Variants in KCNN2 observed in about 807,000 individuals in gnomAD.
The protein encoded by KCNN2 is potassium calcium-activated channel subfamily N member 2, also known as small conductance calcium-activated potassium channel protein 2.
A neutral mutation model predicts 55.5 loss-of-function variants in KCNN2; 24 were observed. The observed-to-expected ratio is 0.43, with a 90% CI of 0.31 to 0.61. The LOEUF is 0.61. KCNN2 is among the 20% of genes least tolerant of loss of function. The pLI is 0.08. For missense variants in KCNN2, 754 were observed against 853.6 expected, an observed-to-expected ratio of 0.88 and a Z score of 1.45; for synonymous variants, 431 against 336.1, an observed-to-expected ratio of 1.28 and a Z score of -3.09.
intron 3 of KCNN2, among the ~76,000 whole-genome samples, chr5:114,454,816 C>T (rs1192839551): frequency 6.6e-6 from 1 of 152,214 alleles, no homozygotes; most frequent in Non-Finnish European, 1.5e-5. Flanking sequence ...TAGCTTTGGA[C>T]TTTATCCACA....
rs899672629 is a variant in KCNN2, at chr5:114,119,506, C to T, written c.-271+63006C>T. 3.3e-5 allele frequency among the ~76,000 whole-genome samples: 5 copies of T among 152,216 alleles called. No individual in the cohort carries two copies. The East Asian group carries it at 7.7e-4, about 24-fold the overall frequency. On this transcript the variant is annotated intron_variant, in intron 1 of 10. Coordinates refer to the KCNN2 transcript ENST00000512097. Reference sequence around the variant, plus strand: ...TCTAGCCAGTGTTATTTTTAACCACCGTTATTTGGCACATCATCTAATAGA... The same window carrying T: ...TCTAGCCAGTGTTATTTTTAACCACTGTTATTTGGCACATCATCTAATAGA...
At chr5:114,359,217 T>G (rs888294317), upstream of KCNN2, among the ~76,000 whole-genome samples, 1 of 152,194 alleles carries the variant, frequency 6.6e-6, no homozygotes, top group African/African-American at 2.4e-5. Flanking sequence ...GGAAGTAGTA[T>G]TAGTCTGAGT....
chr5:114,148,937 C>T (rs1170821463), intron 1 of KCNN2, among the ~76,000 whole-genome samples: 1 of 151,984 alleles, frequency 6.6e-6, no homozygotes, highest in Non-Finnish European at 1.5e-5. Flanking sequence ...AGTAAAGTGA[C>T]CTGAATAAGA....
chr5:114,349,113 A>G (rs1272080479), intron 2 of KCNN2, among the ~76,000 whole-genome samples: 1 of 152,088 alleles, frequency 6.6e-6, no homozygotes, highest in Non-Finnish European at 1.5e-5. Flanking sequence ...GTAACATTTT[A>G]TCTTTAGCTT....
chr5:114,265,742 T>A (rs1049139994), intron 2 of KCNN2, among the ~76,000 whole-genome samples: 35 of 152,344 alleles, frequency 2.3e-4, no homozygotes, highest in African/African-American at 7.5e-4. Context: ...TTTGGCTGAA[T>A]GTCTGGGCAC....
chr5:114,323,010 C>A (rs1395224721), intron 2 of KCNN2, among the ~76,000 whole-genome samples: 2 of 152,168 alleles, frequency 1.3e-5, no homozygotes, highest in African/African-American at 4.8e-5. Context: ...TCTTTGTGTT[C>A]ATAAGTGCTT....
chr5:114,277,941 C>A (rs1301025513), intron 2 of KCNN2, among the ~76,000 whole-genome samples: 1 of 152,136 alleles, frequency 6.6e-6, no homozygotes, highest in African/African-American at 2.4e-5. Context: ...GAATTTTCAG[C>A]CTTTTTGCTC....
intron 3 of KCNN2, among the ~76,000 whole-genome samples, chr5:114,437,809 C>CT (rs1341312301): frequency 6.6e-6 from 1 of 152,262 alleles, no homozygotes; most frequent in Non-Finnish European, 1.5e-5. Flanking sequence ...AGTCACGTGT[C>CT]TATTTGCCTG....
chr5:114,421,346 A>G (rs1001175019), intron 3 of KCNN2, among the ~76,000 whole-genome samples: 7 of 152,124 alleles, frequency 4.6e-5, no homozygotes, highest in African/African-American at 1.7e-4. Context: ...GCTGGAGTGC[A>G]GTGGCACGAT....
intron 1 of KCNN2, among the ~76,000 whole-genome samples, chr5:114,142,847 C>G (rs1011803512): frequency 6.6e-6 from 1 of 152,132 alleles, no homozygotes; most frequent in South Asian, 2.1e-4. Context: ...ACTTTCTTCA[C>G]AGAATTGTAA....
intron 2 of KCNN2, among the ~76,000 whole-genome samples, chr5:114,295,883 T>C (rs990726319): frequency 7.2e-6 from 1 of 139,552 alleles, no homozygotes; most frequent in African/African-American, 2.9e-5. Flanking sequence ...AAATTTGAAA[T>C]AAGCTACCAT....
intron 1 of KCNN2, among the ~76,000 whole-genome samples, chr5:114,179,102 T>C (rs1753189361): frequency 6.6e-6 from 1 of 152,174 alleles, no homozygotes; most frequent in Admixed American, 6.5e-5. Context: ...CCCAAACTCA[T>C]CAGTTTAAAA....
In KCNN2 at chr5:114,107,959, C is replaced by T. The variant is rs1488675250; in HGVS notation, c.-271+51459C>T. Among the ~76,000 whole-genome samples, 3 of 152,016 alleles carry T rather than the reference C, an allele frequency of 2.0e-5. No homozygotes were observed. The East Asian group carries it at 5.8e-4, about 29-fold the overall frequency. ...TCTACTATAAGGTGTTTGATCAAAT[C>T]TATTAGAAATGGTATTGTTTTGAAG... On this transcript the variant is annotated intron_variant, in intron 1 of 10. Coordinates refer to the KCNN2 transcript ENST00000512097.
intron 2 of KCNN2, among the ~76,000 whole-genome samples, chr5:114,369,061 C>T (rs1022224420): frequency 2.0e-5 from 3 of 152,054 alleles, no homozygotes; most frequent in Non-Finnish European, 4.4e-5. Context: ...AAATTTTCAG[C>T]AGTGAGACTG....
chr5:114,257,628 C>T (rs1042862398), intron 2 of KCNN2, among the ~76,000 whole-genome samples: 7 of 151,862 alleles, frequency 4.6e-5, no homozygotes, highest in Non-Finnish European at 8.8e-5. Flanking sequence ...ATGGGATTGA[C>T]TTCTTGATTT....
At chr5:114,250,367 C>T (rs907800772) in intron 2 of KCNN2, among the ~76,000 whole-genome samples, 11 of 152,094 alleles carry the variant, frequency 7.2e-5, no homozygotes, top group African/African-American at 2.2e-4. Context: ...TTTCTAAGCC[C>T]ACTCAGATAG....
At position 114,272,333 on chromosome 5, in the gene KCNN2, T is replaced by C. The variant is rs895867772; in HGVS notation, c.-185+50768T>C. On this transcript the variant is annotated intron_variant, in intron 2 of 10. Coordinates refer to the KCNN2 transcript ENST00000512097. ...ACACACACATATATGTATGTACATA[T>C]ACACACATATATGTATGTACATACC... 3.7e-4 allele frequency among the ~76,000 whole-genome samples: 45 copies of C among 122,194 alleles called. 2 individuals are homozygous for C. Among genetic ancestry groups the C allele is most frequent in the South Asian group, 8.6e-4 (3 of 3,488 alleles). The allele number at this position is 122,194 out of a possible 152,430, so 80.2% of individuals were successfully genotyped here. A position where few individuals can be genotyped will look rare whatever the true frequency, so the allele number is the denominator to read the frequency against.
At chr5:114,462,363 T>G (rs189809559) in intron 3 of KCNN2, among the ~76,000 whole-genome samples, 1 of 152,338 alleles carries the variant, frequency 6.6e-6, no homozygotes, top group East Asian at 1.9e-4. Flanking sequence ...AAGTTCTTTG[T>G]GTATAACTGG....
At chr5:114,134,883 G>A (rs1162950452) in intron 1 of KCNN2, among the ~76,000 whole-genome samples, 1 of 152,154 alleles carries the variant, frequency 6.6e-6, no homozygotes, top group African/African-American at 2.4e-5. Flanking sequence ...ATTCAGGGTA[G>A]CTCTATTCCA....
Sources: gnomAD v4.1 joint callset for allele counts (sites outside exome capture counted in the v4.1 genomes callset) on GRCh38, gnomAD v4.1.1 for gene constraint, MANE v1.5 for transcripts, NCBI Gene and HGNC (gene_info 2026-07-23, HGNC 2026-07-21) for gene names.